URI1: variants seen among roughly 807,000 people sequenced by gnomAD.
URI1 encodes URI1 prefoldin like chaperone.
In URI1, 39 loss-of-function variants were observed where a neutral mutation model predicts 60.2. The ratio of observed to expected loss-of-function variants is 0.65; its 90% CI spans 0.50 to 0.85. The LOEUF (loss-of-function observed/expected upper bound fraction) is 0.85, where lower values mean the gene tolerates loss of function less well. Among genes scored for constraint, URI1 ranks in the 40% least tolerant of loss-of-function variants. The pLI, the probability that URI1 is intolerant of heterozygous loss-of-function variation, is 0.00. For missense variants in URI1, 691 were observed against 665.9 expected (o/e 1.04, Z -0.42); for synonymous variants, 251 against 236.8 (o/e 1.06, Z -0.55).
At chr19:29,951,877 T>TA (rs1411347990) in intron 1 of URI1, among the ~76,000 whole-genome samples, 1 of 152,180 alleles carries the variant, frequency 6.6e-6, no homozygotes, top group Admixed American at 6.5e-5. Context: ...ATTTGATCGT[T>TA]ACCTTGCTTT....
At chr19:30,003,564 CA>C (rs1014067775) in intron 4 of URI1, among the ~76,000 whole-genome samples, 3 of 151,952 alleles carry the variant, frequency 2.0e-5, no homozygotes, top group Non-Finnish European at 4.4e-5. Flanking sequence ...ACCCTATTTC[CA>C]AAACACTTTG....
In URI1 at chr19:30,015,398, G is replaced by T; in HGVS notation, c.*329G>T. The T allele has an allele frequency of 7.0e-7, 1 of 1,438,442 alleles. No homozygotes were observed. Among genetic ancestry groups the T allele is most frequent in the South Asian group, 1.5e-5 (1 of 64,852 alleles). The allele number at this position is 1,438,442 out of a possible 1,614,324, so 89.1% of individuals were successfully genotyped here. A position where few individuals can be genotyped will look rare whatever the true frequency, so the allele number is the denominator to read the frequency against. Reference sequence around the variant, plus strand: ...TTGTGTTTCAAACTAAATACAGGCAGTTTTGTGCCAGCTGTGATATTGTGC... The same window carrying T: ...TTGTGTTTCAAACTAAATACAGGCATTTTTGTGCCAGCTGTGATATTGTGC... On this transcript the variant is annotated 3_prime_UTR_variant, in exon 11 of 11. Coordinates refer to ENST00000392271, the MANE Select transcript of URI1 (RefSeq NM_003796.3).
chr19:29,958,691 G>A (rs1220529098), intron 1 of URI1, among the ~76,000 whole-genome samples: 3 of 150,662 alleles, frequency 2.0e-5, no homozygotes, highest in Admixed American at 6.6e-5. Flanking sequence ...AGGGTGCTGC[G>A]GCTCACACCT....
intron 1 of URI1, among the ~76,000 whole-genome samples, chr19:29,943,530 A>G (rs1402447899): frequency 6.6e-6 from 1 of 152,214 alleles, no homozygotes; most frequent in East Asian, 1.9e-4. Context: ...AGCATGGATT[A>G]TAAAGGGTTA....
At chr19:29,967,107 C>A (rs57017480) in intron 1 of URI1, among the ~76,000 whole-genome samples, 1 of 152,180 alleles carries the variant, frequency 6.6e-6, no homozygotes, top group Non-Finnish European at 1.5e-5. Flanking sequence ...GGAGATCTTA[C>A]TGCATGTTAC....
At chr19:29,967,202 G>A (rs1191483396) in intron 1 of URI1, among the ~76,000 whole-genome samples, 1 of 152,220 alleles carries the variant, frequency 6.6e-6, no homozygotes, top group Non-Finnish European at 1.5e-5. Flanking sequence ...TCCATATAAT[G>A]TGTGGAGCTT....
chr19:29,992,628 A>T (rs1236168955), intron 4 of URI1, among the ~76,000 whole-genome samples: 4 of 152,178 alleles, frequency 2.6e-5, no homozygotes, highest in South Asian at 4.1e-4. Context: ...CAAATTAGGG[A>T]TTAATGTATT....
At chr19:29,980,151 G>A (rs1409978297) in intron 2 of URI1, 2 of 151,984 alleles carry the variant, frequency 1.3e-5, no homozygotes, top group African/African-American at 4.8e-5. Context: ...CTATTTTCTT[G>A]ATTTTAGAGG....
intron 8 of URI1, among the ~76,000 whole-genome samples, chr19:30,010,208 A>T (rs564723076): frequency 7.2e-4 from 110 of 152,322 alleles, no homozygotes; most frequent in African/African-American, 2.4e-3. Context: ...GATTGCCTGT[A>T]TCAGTTAAGG....
chr19:29,933,714 C>G (rs1249004096), intron 1 of URI1, among the ~76,000 whole-genome samples: 2 of 151,480 alleles, frequency 1.3e-5, no homozygotes, highest in Non-Finnish European at 2.9e-5. Context: ...CCCAGCTACT[C>G]AGGAGGCCGA....
chr19:29,959,237 G>C (rs1259715232), intron 1 of URI1, among the ~76,000 whole-genome samples: 2 of 151,968 alleles, frequency 1.3e-5, no homozygotes, highest in African/African-American at 4.8e-5. Context: ...TGATCCTCTC[G>C]CCTCAGTCTC....
intron 2 of URI1, among the ~76,000 whole-genome samples, chr19:29,976,668 G>A (rs969191263): frequency 6.6e-6 from 1 of 152,194 alleles, no homozygotes. Context: ...CGTCCTTTAT[G>A]TTGACTGGTG....
intron 1 of URI1, among the ~76,000 whole-genome samples, chr19:29,970,902 T>A (rs949407803): frequency 6.6e-6 from 1 of 152,160 alleles, no homozygotes. Context: ...TACAAAATAC[T>A]AGTTATCTTA....
At chr19:29,946,088 T>C (rs1309618447) in intron 1 of URI1, among the ~76,000 whole-genome samples, 4 of 152,204 alleles carry the variant, frequency 2.6e-5, no homozygotes, top group African/African-American at 9.6e-5. Flanking sequence ...AAGGTTTTAT[T>C]TAATCTTCAT....
chr19:30,015,613 A>T lies in URI1; in HGVS notation c.*544A>T, dbSNP rs980709649. ...TGTAATCTTTAAGGAAGAAAGCTAC[A>T]TGAATTAATTGTACTCTATGGGAAA... On this transcript the variant is annotated 3_prime_UTR_variant, in exon 11 of 11. Coordinates refer to ENST00000392271, the MANE Select transcript of URI1 (RefSeq NM_003796.3). 6.6e-7 allele frequency: 1 copy of T among 1,516,362 alleles called. No individual in the cohort carries two copies. Among genetic ancestry groups the T allele is most frequent in the African/African-American group, 1.4e-5 (1 of 72,266 alleles). The allele number at this position is 1,516,362 out of a possible 1,614,324, so 93.9% of individuals were successfully genotyped here.
chr19:29,999,080 T>G (rs1449855224), intron 4 of URI1, among the ~76,000 whole-genome samples: 2 of 152,196 alleles, frequency 1.3e-5, no homozygotes, highest in Admixed American at 6.5e-5. Flanking sequence ...GCTTTATTCC[T>G]GTTCAGCTCC....
At chr19:29,992,534 C>T (rs1305513904) in intron 4 of URI1, among the ~76,000 whole-genome samples, 4 of 152,120 alleles carry the variant, frequency 2.6e-5, no homozygotes, top group African/African-American at 9.7e-5. Flanking sequence ...CTTTCTTGTC[C>T]TCTTTTAGAT....
At chr19:29,989,455 ACT>A (rs1273170387) in intron 4 of URI1, among the ~76,000 whole-genome samples, 1 of 149,878 alleles carries the variant, frequency 6.7e-6, no homozygotes, top group Non-Finnish European at 1.5e-5. Flanking sequence ...ATGGAGTCTC[ACT>A]CTGTCGCCCA....
At chr19:29,978,471 T>C (rs2055552739) in intron 2 of URI1, among the ~76,000 whole-genome samples, 1 of 152,176 alleles carries the variant, frequency 6.6e-6, no homozygotes, top group Non-Finnish European at 1.5e-5. Flanking sequence ...AAAACTGTAC[T>C]TCTTTGTACT....
Sources: allele counts gnomAD v4.1 joint callset (sites outside exome capture counted in the v4.1 genomes callset), GRCh38; gene constraint gnomAD v4.1.1; transcripts MANE v1.5; gene names NCBI Gene and HGNC (gene_info 2026-07-23, HGNC 2026-07-21).